Variants in FAM120B observed in about 807,000 individuals in gnomAD.
The protein encoded by FAM120B is constitutive coactivator of peroxisome proliferator-activated receptor gamma.
FAM120B carries 83 observed loss-of-function variants against 96.3 expected under a neutral mutation model. The observed-to-expected ratio is 0.86, with a 90% CI of 0.72 to 1.03. The LOEUF (loss-of-function observed/expected upper bound fraction) is 1.03. Ranked by LOEUF, FAM120B falls within the 50% of genes least tolerant of loss-of-function variation. The probability of loss-of-function intolerance (pLI) is 0.00; values close to 1 mark genes in which losing one functional copy is unlikely to be tolerated. For synonymous variants in FAM120B, 407 were observed against 402.7 expected, an observed-to-expected ratio of 1.01 and a Z score of -0.13; for missense variants, 1,027 against 1,121.2, an observed-to-expected ratio of 0.92 and a Z score of 1.20.
At chr6:170,399,797 A>T (rs1778445661) in intron 9 of FAM120B, among the ~76,000 whole-genome samples, 1 of 144,642 alleles carries the variant, frequency 6.9e-6, no homozygotes, top group African/African-American at 2.6e-5. Flanking sequence ...TGAGTGAGGA[A>T]GGTAGAACTA....
intron 5 of FAM120B, among the ~76,000 whole-genome samples, chr6:170,354,638 A>T (rs1423904733): frequency 1.3e-5 from 2 of 152,220 alleles, no homozygotes; most frequent in African/African-American, 4.8e-5. Flanking sequence ...AAAAGAGGAC[A>T]TATAGCCGGG....
intron 6 of FAM120B, among the ~76,000 whole-genome samples, chr6:170,376,873 G>A (rs1489206753): frequency 6.6e-6 from 1 of 152,170 alleles, no homozygotes; most frequent in Non-Finnish European, 1.5e-5. Context: ...GGAAGTGCCT[G>A]TTTCCGTGTA....
intron 4 of FAM120B, among the ~76,000 whole-genome samples, chr6:170,332,709 A>T (rs969982087): frequency 2.6e-5 from 4 of 152,082 alleles, no homozygotes; most frequent in Non-Finnish European, 2.9e-5. Context: ...AAAAAAAAAA[A>T]GTGAGATCCT....
chr6:170,388,877 C>G (rs1430373804), intron 7 of FAM120B, among the ~76,000 whole-genome samples: 1 of 152,134 alleles, frequency 6.6e-6, no homozygotes, highest in African/African-American at 2.4e-5. Context: ...GACCAGAAGC[C>G]TTAACCAATA....
At chr6:170,368,407 GA>G (rs1788936033) in intron 6 of FAM120B, among the ~76,000 whole-genome samples, 1 of 152,176 alleles carries the variant, frequency 6.6e-6, no homozygotes, top group Admixed American at 6.5e-5. Context: ...TGCTCTTGGT[GA>G]ATTCTCACTT....
chr6:170,322,301 A>C (rs1785344446), intron 2 of FAM120B, among the ~76,000 whole-genome samples: 1 of 152,246 alleles, frequency 6.6e-6, no homozygotes, highest in Admixed American at 6.5e-5. Flanking sequence ...TAAGGGAGGC[A>C]GACCAGACAG....
chr6:170,321,438 T>C (rs1349997554), intron 2 of FAM120B, among the ~76,000 whole-genome samples: 1 of 152,228 alleles, frequency 6.6e-6, no homozygotes, highest in African/African-American at 2.4e-5. Context: ...TCACCCAGGT[T>C]GCAGTGCAGT....
intron 6 of FAM120B, among the ~76,000 whole-genome samples, chr6:170,372,381 C>T (rs113623848): frequency 3.4e-5 from 4 of 116,188 alleles, no homozygotes; most frequent in South Asian, 5.6e-4. Context: ...GTTTGACTAA[C>T]GTAAATTATT....
At chr6:170,394,699 A>T (rs540053177) in intron 8 of FAM120B, among the ~76,000 whole-genome samples, 3 of 142,448 alleles carry the variant, frequency 2.1e-5, no homozygotes, top group African/African-American at 5.5e-5. Flanking sequence ...GCACAAGGCC[A>T]TGCCTCCGTG....
At position 170,363,771 on chromosome 6, in the gene FAM120B, T is replaced by C. The variant is rs1013744607; in HGVS notation, c.2283+5453T>C. On this transcript the variant is annotated intron_variant, in intron 6 of 10. Coordinates refer to ENST00000476287, the MANE Select transcript of FAM120B (RefSeq NM_032448.3). The surrounding 1 kb of genome is among the most constrained non-coding windows in gnomAD (Gnocchi z 4.5). ...AGCACTTATTAAACATCATGTTTTA[T>C]TTTGTTTTTTTTAGACAGAGTCTCA... 8.5e-5 allele frequency among the ~76,000 whole-genome samples: 13 copies of C among 152,186 alleles called. No homozygotes were observed. Among genetic ancestry groups the C allele is most frequent in the African/African-American group, 3.1e-4 (13 of 41,446 alleles).
In FAM120B at chr6:170,330,433, A is replaced by G; in HGVS notation, c.1916-16A>G. 6.2e-7 allele frequency: 1 copy of G among 1,608,658 alleles called. No individual in the cohort carries two copies. Among genetic ancestry groups the G allele is most frequent in the East Asian group, 2.2e-5 (1 of 44,826 alleles). ...CATGCCCTCATGCATCTACTGACCC[A>G]ACTCTTTTTCTTCAGATGTCACCAG... On this transcript the variant is annotated splice_polypyrimidine_tract_variant and intron_variant, in intron 3 of 10. Transcript: ENST00000476287.
intron 4 of FAM120B, among the ~76,000 whole-genome samples, chr6:170,333,539 A>G: frequency 7.1e-6 from 1 of 141,484 alleles, no homozygotes; most frequent in Non-Finnish European, 1.5e-5. Flanking sequence ...TTTTTTTGAG[A>G]CAGAGTCTCA....
chr6:170,298,843 C>A (rs1346653160), intron 1 of FAM120B, among the ~76,000 whole-genome samples: 3 of 152,188 alleles, frequency 2.0e-5, no homozygotes, highest in African/African-American at 7.2e-5. Context: ...TTCTCAGTGG[C>A]TAGAGCTCAG....
intron 4 of FAM120B, among the ~76,000 whole-genome samples, chr6:170,340,162 A>G (rs1369147854): frequency 6.6e-6 from 1 of 152,006 alleles, no homozygotes; most frequent in East Asian, 1.9e-4. Flanking sequence ...ACATAGTCCC[A>G]TATTTCTTGG....
intron 6 of FAM120B, among the ~76,000 whole-genome samples, chr6:170,375,772 G>T (rs879842469): frequency 1.3e-5 from 2 of 152,130 alleles, no homozygotes; most frequent in Non-Finnish European, 2.9e-5. Flanking sequence ...CACAGGGCAC[G>T]GCGGGATGCA....
At chr6:170,396,364 A>G (rs1001209257) in intron 9 of FAM120B, among the ~76,000 whole-genome samples, 2 of 152,144 alleles carry the variant, frequency 1.3e-5, no homozygotes, top group Non-Finnish European at 2.9e-5. Flanking sequence ...TCTGTTGAGT[A>G]CCGTGTCCTT....
chr6:170,355,000 G>C (rs770595288), intron 5 of FAM120B, among the ~76,000 whole-genome samples: 3 of 152,176 alleles, frequency 2.0e-5, no homozygotes, highest in Non-Finnish European at 4.4e-5. Context: ...GATCACTAGA[G>C]AAATGCAAAT....
rs369790588 is a variant in FAM120B at position 170,358,267 on chromosome 6, G to C, written c.2232G>C (p.Ala744=). 2 of 1,606,650 alleles carry C rather than the reference G, an allele frequency of 1.2e-6. No individual in the cohort carries two copies. The highest frequency in any genetic ancestry group is 2.7e-5 in the African/African-American group (2 of 74,892). Residue 744 remains alanine, a synonymous_variant, in exon 6 of 11, where the codon GCG becomes GCC. Transcript: ENST00000476287. ...TGGAGGATTTGCATGCGTTTATTGCGCAGGCCTTGTGCCTCCAAGGAAAAT... is the reference window on the plus strand; with the variant it reads ...TGGAGGATTTGCATGCGTTTATTGCCCAGGCCTTGTGCCTCCAAGGAAAAT... ...LCLEDLHAFI[A]QALCLQGKST... is the part of the protein sequence containing the mutation.
rs761235189 is a variant in FAM120B at position 170,317,482 on chromosome 6, G to A, written c.92G>A (p.Arg31Gln). Residue 31 changes from arginine (R) to glutamine (Q), a missense_variant, in exon 2 of 11, where the codon CGA (arginine) becomes CAA (glutamine). Around this residue, in one of 3 missense-constraint regions of FAM120B, gnomAD observed 880 missense variants for 980.9 expected, o/e 0.90. Coordinates refer to ENST00000476287, the MANE Select transcript of FAM120B (RefSeq NM_032448.3). ...VNFKELAEHHRSKYPGCTPTI... is the reference protein window; with the variant it reads ...VNFKELAEHHQSKYPGCTPTI... ...TTCAAAGAACTGGCAGAGCACCACC[G>A]AAGCAAGTATCCTGGATGTACCCCT... 3.7e-6 allele frequency: 6 copies of A among 1,614,066 alleles called. No individual in the cohort carries two copies. The highest frequency in any genetic ancestry group is 1.7e-5 in the Admixed American group (1 of 60,006).
Sources: allele counts gnomAD v4.1 joint callset (sites outside exome capture counted in the v4.1 genomes callset), GRCh38; gene constraint gnomAD v4.1.1; regional missense constraint gnomAD v4.1.1; non-coding constraint Gnocchi (gnomAD v3.1); transcripts MANE v1.5; gene names NCBI Gene and HGNC (gene_info 2026-07-23, HGNC 2026-07-21).